Variants in FANCD2OS observed in about 807,000 individuals in gnomAD.
FANCD2OS encodes FANCD2 opposite strand protein.
FANCD2OS carries 11 observed loss-of-function variants against 13.2 expected under a neutral mutation model. That is an observed-to-expected ratio of 0.83 (90% CI 0.52 to 1.38). The LOEUF is 1.38. Among genes scored for constraint, FANCD2OS ranks in the 40% most tolerant of loss-of-function variants. The pLI, the probability that FANCD2OS is intolerant of heterozygous loss-of-function variation, is 0.00. For synonymous variants in FANCD2OS, 69 were observed against 84.5 expected, an observed-to-expected ratio of 0.82 and a Z score of 1.01; for missense variants, 217 against 213.9, an observed-to-expected ratio of 1.01 and a Z score of -0.09.
intron 1 of FANCD2OS, among the ~76,000 whole-genome samples, chr3:10,107,471 A>G (rs1169590756): frequency 6.6e-6 from 1 of 151,752 alleles, no homozygotes; most frequent in Non-Finnish European, 1.5e-5. Context: ...TATTTTCAGT[A>G]GAGACAGGGT....
downstream of FANCD2OS, chr3:10,098,901 C>T (rs1234548681): frequency 6.2e-7 from 1 of 1,614,040 alleles, no homozygotes; most frequent in Admixed American, 1.7e-5. Flanking sequence ...ACTTTGCCTA[C>T]TTATGTTTAT....
intron 2 of FANCD2OS, among the ~76,000 whole-genome samples, chr3:10,084,014 G>A (rs1025931277): frequency 4.0e-5 from 6 of 151,540 alleles, no homozygotes; most frequent in African/African-American, 1.5e-4. Flanking sequence ...GTGTGTGAGA[G>A]ACAGAGTCTC....
chr3:10,092,398 A>G, intron 2 of FANCD2OS: 1 of 732,706 alleles, frequency 1.4e-6, no homozygotes, highest in Non-Finnish European at 2.4e-6. Context: ...TTGTCCCCCT[A>G]CCCATCCTGG....
intron 2 of FANCD2OS, among the ~76,000 whole-genome samples, chr3:10,090,045 G>A (rs898210984): frequency 3.3e-5 from 5 of 152,144 alleles, no homozygotes; most frequent in African/African-American, 9.7e-5. Context: ...TCTTCTCACT[G>A]TTACTTCATT....
chr3:10,089,517 T>C, intron 2 of FANCD2OS, among the ~76,000 whole-genome samples: 1 of 152,066 alleles, frequency 6.6e-6, no homozygotes, highest in East Asian at 1.9e-4. Flanking sequence ...TCACCCAGGC[T>C]GGAGTGCAGT....
intron 2 of FANCD2OS, chr3:10,093,207 C>A (rs2125088421): frequency 1.8e-6 from 2 of 1,087,910 alleles, no homozygotes; most frequent in Non-Finnish European, 2.9e-6. Flanking sequence ...CAAAGCTGTG[C>A]TTTGCGCAGC....
At chr3:10,083,599 C>T (rs4260416) in intron 2 of FANCD2OS, 34,378 of 152,012 alleles carry the variant, frequency 0.23, 5,019 homozygotes, top group African/African-American at 0.42. Flanking sequence ...TGAAAGCATA[C>T]GTCCACCGAC....
At chr3:10,101,422 G>C (rs1230933346), downstream of FANCD2OS, 6 of 551,322 alleles carry the variant, frequency 1.1e-5, no homozygotes, top group Admixed American at 6.9e-5. Context: ...GACTCGCTGT[G>C]TTTCCCAGGC....
chr3:10,086,188 C>T (rs1694189347), intron 2 of FANCD2OS, among the ~76,000 whole-genome samples: 1 of 152,170 alleles, frequency 6.6e-6, no homozygotes, highest in Non-Finnish European at 1.5e-5. Flanking sequence ...AAACATTGAC[C>T]ATCTGTAATC....
downstream of FANCD2OS, chr3:10,098,612 A>T: frequency 7.2e-7 from 1 of 1,396,442 alleles, no homozygotes; most frequent in Non-Finnish European, 9.8e-7. Context: ...CTGTGTTTTG[A>T]ATGGCTAAAA....
At position 10,092,482 on chromosome 3, in the gene FANCD2OS, T is replaced by C. The variant is rs116832443; in HGVS notation, c.*44-10951A>G. Reference sequence around the variant, plus strand: ...TCCTCCTACTTATGCCACAATACTATTTAATGACTCCTTCCATCTGTAATT... The same window carrying C: ...TCCTCCTACTTATGCCACAATACTACTTAATGACTCCTTCCATCTGTAATT... On this transcript the variant is annotated intron_variant, in intron 2 of 2. Coordinates refer to the FANCD2OS transcript ENST00000524279. Among the ~76,000 whole-genome samples the C allele has an allele frequency of 8.2e-3, 1,241 of 151,740 alleles. 21 individuals are homozygous for C. Among genetic ancestry groups the C allele is most frequent in the African/African-American group, 0.028 (1,165 of 41,308 alleles).
At chr3:10,105,122 G>A (rs1411071118) in intron 1 of FANCD2OS, among the ~76,000 whole-genome samples, 1 of 152,130 alleles carries the variant, frequency 6.6e-6, no homozygotes, top group Non-Finnish European at 1.5e-5. Flanking sequence ...AAAGTGCTGG[G>A]ATTATAGGCG....
chr3:10,098,991 C>T (rs373112049), downstream of FANCD2OS: 3 of 1,613,668 alleles, frequency 1.9e-6, no homozygotes, highest in Non-Finnish European at 2.5e-6. Flanking sequence ...CCAGAAGAAA[C>T]AACGACACAA....
chr3:10,101,555 T>A (rs1695303518), downstream of FANCD2OS: 1 of 420,380 alleles, frequency 2.4e-6, no homozygotes, highest in Non-Finnish European at 4.4e-6. Context: ...CCAGCTAATT[T>A]TTGTATTTTT....
chr3:10,083,318 C>T (rs1693961264), intron 2 of FANCD2OS, among the ~76,000 whole-genome samples: 1 of 151,938 alleles, frequency 6.6e-6, no homozygotes, highest in Admixed American at 6.6e-5. Context: ...AAAATAAATA[C>T]ATGAAAGGAT....
downstream of FANCD2OS, chr3:10,101,079 A>T: frequency 6.5e-6 from 5 of 775,150 alleles, no homozygotes; most frequent in Non-Finnish European, 1.1e-5. Flanking sequence ...AAAAAAAAAA[A>T]GTTTTAACAG....
intron 2 of FANCD2OS, among the ~76,000 whole-genome samples, chr3:10,086,620 T>A (rs1163437457): frequency 1.3e-5 from 2 of 152,134 alleles, no homozygotes; most frequent in Non-Finnish European, 2.9e-5. Context: ...ACGCTGGGAT[T>A]ACAGGCGCAT....
chr3:10,098,042 T>G (rs528343291), downstream of FANCD2OS, among the ~76,000 whole-genome samples: 271 of 152,328 alleles, frequency 1.8e-3, no homozygotes, highest in African/African-American at 6.2e-3. Context: ...AATACTACTT[T>G]GGAGTTACAA....
intron 2 of FANCD2OS, among the ~76,000 whole-genome samples, chr3:10,081,760 G>C (rs933298508): frequency 1.3e-5 from 2 of 152,100 alleles, no homozygotes; most frequent in Non-Finnish European, 1.5e-5. Flanking sequence ...TTTAATTCCA[G>C]ATTGTTTGGT....
Sources: gnomAD v4.1 joint callset for allele counts (sites outside exome capture counted in the v4.1 genomes callset) on GRCh38, gnomAD v4.1.1 for gene constraint, MANE v1.5 for transcripts, NCBI Gene and HGNC (gene_info 2026-07-23, HGNC 2026-07-21) for gene names.